Variants in CLYBL observed in about 807,000 individuals in gnomAD.
CLYBL encodes citramalyl-CoA lyase, mitochondrial.
A neutral mutation model predicts 38.9 loss-of-function variants in CLYBL; 31 were observed. The ratio of observed to expected loss-of-function variants is 0.80; its 90% CI spans 0.60 to 1.08. The LOEUF is 1.08. Ranked by LOEUF, CLYBL falls within the 50% of genes least tolerant of loss-of-function variation. CLYBL has a pLI of 0.00. For synonymous variants in CLYBL, 171 were observed against 158.6 expected, an observed-to-expected ratio of 1.08 and a Z score of -0.59; for missense variants, 434 against 411.6, an observed-to-expected ratio of 1.05 and a Z score of -0.47.
downstream of CLYBL, among the ~76,000 whole-genome samples, chr13:99,901,842 T>C (rs2052648064): frequency 6.6e-6 from 1 of 152,104 alleles, no homozygotes; most frequent in African/African-American, 2.4e-5. Flanking sequence ...GTATTTTTAG[T>C]AGAGACGGGG....
At position 99,668,936 on chromosome 13, in the gene CLYBL, C is replaced by T. The variant is rs555567764; in HGVS notation, c.62+62179C>T. Among the ~76,000 whole-genome samples the T allele has an allele frequency of 7.9e-5, 12 of 151,322 alleles. No individual in the cohort carries two copies. In the South Asian group the frequency reaches 1.3e-3, roughly 16 times the overall value. The stretch of plus-strand genomic sequence containing the variant: ...TCCAGGGCAGGACAAGCTGGTTCAG[C>T]GGGGAGAAGGCAGGAGGCAGATGCC... On this transcript the variant is annotated intron_variant, in intron 1 of 8. Transcript: ENST00000339105.
At chr13:99,786,542 T>A (rs2049800231) in intron 2 of CLYBL, among the ~76,000 whole-genome samples, 1 of 152,194 alleles carries the variant, frequency 6.6e-6, no homozygotes, top group African/African-American at 2.4e-5. Flanking sequence ...GAACTCATCC[T>A]TTTTTATGGC....
rs142608466 is a variant in CLYBL, at chr13:99,675,887, C to T, written c.62+69130C>T. ...TGGGTATATTTCTTCTGGGGTTATA[C>T]TTAGGAATGGAATTAGAATGCAGTA... On this transcript the variant is annotated intron_variant, in intron 1 of 8. Transcript: ENST00000339105. 6.8e-3 allele frequency among the ~76,000 whole-genome samples: 1,035 copies of T among 152,242 alleles called. 9 individuals are homozygous for T. The highest frequency in any genetic ancestry group is 0.017 in the Middle Eastern group (5 of 294).
chr13:99,824,081 T>C (rs9557316), intron 2 of CLYBL, among the ~76,000 whole-genome samples: 25,333 of 152,238 alleles, frequency 0.17, 2,750 homozygotes, highest in East Asian at 0.49. Flanking sequence ...AATATTTATT[T>C]TATCCTCACA....
At chr13:99,809,812 G>A (rs2050305602) in intron 2 of CLYBL, among the ~76,000 whole-genome samples, 1 of 152,176 alleles carries the variant, frequency 6.6e-6, no homozygotes, top group Non-Finnish European at 1.5e-5. Flanking sequence ...GTTCCTCTTG[G>A]CCAACTCGGG....
At chr13:99,746,055 G>T (rs538310424) in intron 1 of CLYBL, among the ~76,000 whole-genome samples, 1 of 151,666 alleles carries the variant, frequency 6.6e-6, no homozygotes, top group African/African-American at 2.4e-5. Context: ...TTCAGATGTG[G>T]GAAGAACTAT....
At chr13:99,809,648 C>T (rs981661312) in intron 2 of CLYBL, among the ~76,000 whole-genome samples, 4 of 152,334 alleles carry the variant, frequency 2.6e-5, no homozygotes, top group African/African-American at 4.8e-5. Flanking sequence ...ACGCTGTTAG[C>T]GATTAGCTGT....
intron 2 of CLYBL, among the ~76,000 whole-genome samples, chr13:99,775,026 A>G (rs1169266387): frequency 6.6e-6 from 1 of 152,158 alleles, no homozygotes; most frequent in Non-Finnish European, 1.5e-5. Context: ...AGGGTTTATT[A>G]TGAGAAAAAA....
At chr13:99,753,694 A>T (rs2048998403) in intron 1 of CLYBL, among the ~76,000 whole-genome samples, 1 of 152,134 alleles carries the variant, frequency 6.6e-6, no homozygotes, top group African/African-American at 2.4e-5. Flanking sequence ...TTTTAACTTC[A>T]TTTTGAATTT....
chr13:99,683,440 C>T (rs1041429509), intron 1 of CLYBL, among the ~76,000 whole-genome samples: 1 of 152,164 alleles, frequency 6.6e-6, no homozygotes, highest in Non-Finnish European at 1.5e-5. Context: ...AAGTTTAAAA[C>T]ACACATTGTA....
chr13:99,905,775 G>T (rs2052691618), intron 9 of CLYBL, among the ~76,000 whole-genome samples: 1 of 149,978 alleles, frequency 6.7e-6, no homozygotes, highest in Admixed American at 6.7e-5. Context: ...GGTGGTTGTG[G>T]TTGTTTTTGA....
At chr13:99,700,251 G>A (rs973226353) in intron 1 of CLYBL, among the ~76,000 whole-genome samples, 1 of 152,184 alleles carries the variant, frequency 6.6e-6, no homozygotes, top group South Asian at 2.1e-4. Context: ...TCGGGAGTTC[G>A]AGACTAGCCT....
chr13:99,668,478 C>T (rs914216910), intron 1 of CLYBL, among the ~76,000 whole-genome samples: 6 of 146,498 alleles, frequency 4.1e-5, no homozygotes, highest in Admixed American at 2.1e-4. Flanking sequence ...CCCAGCTACT[C>T]GGGAGGCTGA....
intron 7 of CLYBL, among the ~76,000 whole-genome samples, chr13:99,885,492 A>G (rs977670704): frequency 3.3e-5 from 5 of 152,166 alleles, no homozygotes; most frequent in Non-Finnish European, 5.9e-5. Flanking sequence ...AAGTCCAAAG[A>G]AAACCATGGC....
chr13:99,788,926 T>C (rs2049857822), intron 2 of CLYBL, among the ~76,000 whole-genome samples: 1 of 152,220 alleles, frequency 6.6e-6, no homozygotes, highest in Admixed American at 6.5e-5. Flanking sequence ...TGGTTTAGTC[T>C]TGGGAGGGTG....
In CLYBL at chr13:99,738,750, G is replaced by A. The variant is rs566224236; in HGVS notation, c.63-34074G>A. Among the ~76,000 whole-genome samples, 27 of 152,268 alleles carry A rather than the reference G, an allele frequency of 1.8e-4. No individual in the cohort carries two copies. In the South Asian group the frequency reaches 4.8e-3, roughly 27 times the overall value. On this transcript the variant is annotated intron_variant, in intron 1 of 8. Coordinates refer to ENST00000339105, the MANE Select transcript of CLYBL (RefSeq NM_206808.5). ...GATCACTCAGTTTATGAGTGGCAGA[G>A]ATGCCTGGTGTGGAGCTCGATAAAT...
At chr13:99,818,845 G>T (rs899744980) in intron 2 of CLYBL, among the ~76,000 whole-genome samples, 1 of 151,972 alleles carries the variant, frequency 6.6e-6, no homozygotes, top group African/African-American at 2.4e-5. Flanking sequence ...GCATTTTTCC[G>T]CATCTCCACA....
chr13:99,669,006 C>CTT (rs373579427), intron 1 of CLYBL, among the ~76,000 whole-genome samples: 174 of 140,122 alleles, frequency 1.2e-3, no homozygotes, highest in South Asian at 4.9e-3. Flanking sequence ...AGGCCCTCAG[C>CTT]TTTTTTTTTT....
chr13:99,841,240 T>C (rs550483513), intron 2 of CLYBL, among the ~76,000 whole-genome samples: 9 of 152,184 alleles, frequency 5.9e-5, no homozygotes, highest in Non-Finnish European at 1.2e-4. Context: ...AAGTAGACTC[T>C]AGATCTTTAA....
Sources: gnomAD v4.1 joint callset for allele counts (sites outside exome capture counted in the v4.1 genomes callset) on GRCh38, gnomAD v4.1.1 for gene constraint, MANE v1.5 for transcripts, NCBI Gene and HGNC (gene_info 2026-07-23, HGNC 2026-07-21) for gene names.